The following IFT74 variants were observed in gnomAD, a reference collection of about 807,000 sequenced individuals.
The protein encoded by IFT74 is intraflagellar transport 74, also known as intraflagellar transport protein 74 homolog.
A neutral mutation model predicts 96.7 loss-of-function variants in IFT74; 92 were observed. That is an observed-to-expected ratio of 0.95 (90% CI 0.80 to 1.13). The LOEUF (loss-of-function observed/expected upper bound fraction) is 1.13. IFT74 is among the 50% of genes most tolerant of loss of function. IFT74 has a pLI of 0.00. For synonymous variants in IFT74, 223 were observed against 213.2 expected, an observed-to-expected ratio of 1.05 and a Z score of -0.40; for missense variants, 811 against 698.2, an observed-to-expected ratio of 1.16 and a Z score of -1.82.
At chr9:27,023,947 C>G (rs1829732177) in intron 12 of IFT74, among the ~76,000 whole-genome samples, 2 of 152,186 alleles carry the variant, frequency 1.3e-5, no homozygotes, top group Admixed American at 1.3e-4. Flanking sequence ...CACCAATCAC[C>G]TGAGAAACCC....
intron 6 of IFT74, among the ~76,000 whole-genome samples, chr9:26,987,995 C>G (rs937495211): frequency 2.6e-5 from 4 of 151,814 alleles, no homozygotes; most frequent in African/African-American, 9.7e-5. Context: ...TTTTGTTGCC[C>G]AGGCTGGAGT....
chr9:26,968,066 C>CT (rs34008230), intron 2 of IFT74, among the ~76,000 whole-genome samples: 155 of 118,436 alleles, frequency 1.3e-3, no homozygotes, highest in East Asian at 3.6e-3. Context: ...TATGTCTTGT[C>CT]TTTTTTTTTT....
At chr9:26,989,315 A>G (rs1254267567) in intron 7 of IFT74, among the ~76,000 whole-genome samples, 2 of 152,138 alleles carry the variant, frequency 1.3e-5, no homozygotes, top group Non-Finnish European at 2.9e-5. Context: ...TTACCGTTAT[A>G]CAATATATCC....
chr9:26,985,145 C>G (rs1827580951), intron 6 of IFT74, among the ~76,000 whole-genome samples: 1 of 152,130 alleles, frequency 6.6e-6, no homozygotes, highest in South Asian at 2.1e-4. Context: ...AAGATCATGT[C>G]CCTTGCAGGA....
intron 12 of IFT74, among the ~76,000 whole-genome samples, chr9:27,021,757 A>T (rs964593158): frequency 6.6e-6 from 1 of 152,016 alleles, no homozygotes; most frequent in South Asian, 2.1e-4. Context: ...ACAGTTTAGG[A>T]AAGTTTTCTC....
chr9:27,037,421 G>A (rs1452085993), intron 13 of IFT74, among the ~76,000 whole-genome samples: 1 of 152,164 alleles, frequency 6.6e-6, no homozygotes, highest in African/African-American at 2.4e-5. Context: ...AGCTAGCTGT[G>A]GAAAGTAGTA....
chr9:26,999,767 ATTCTTT>A, intron 8 of IFT74: 2 of 457,786 alleles, frequency 4.4e-6, no homozygotes, highest in Non-Finnish European at 6.7e-6. Flanking sequence ...GAATCTGTTT[ATTCTTT>A]TTTTTTTTTT....
At position 27,060,617 on chromosome 9, in the gene IFT74, A is replaced by G. The variant is rs538399644; in HGVS notation, c.1650A>G (p.Gln550=). Residue 550 remains glutamine (Q), a synonymous_variant, in exon 19 of 20, where the codon CAA becomes CAG. Transcript: ENST00000380062. ...TTACAAATTTGGAGAGAAAGTGGCA[A>G]CACCTTGAGCAAAATAATTTTGCGA... ...SQLTNLERKW[Q]HLEQNNFAMK... is the part of the protein sequence containing the mutation. The G allele has an allele frequency of 2.1e-5, 33 of 1,597,424 alleles. No homozygotes were observed. In the East Asian group the frequency reaches 4.5e-4, roughly 22 times the overall value.
At chr9:27,047,547 A>T (rs935500600) in intron 15 of IFT74, among the ~76,000 whole-genome samples, 176 bp downstream of exon 15, 1 of 152,226 alleles carries the variant, frequency 6.6e-6, no homozygotes, top group Non-Finnish European at 1.5e-5. Context: ...CACTCTAGCA[A>T]AATGTCAGGT....
At chr9:27,036,012 A>G (rs545891805) in intron 13 of IFT74, among the ~76,000 whole-genome samples, 1 of 152,374 alleles carries the variant, frequency 6.6e-6, no homozygotes, top group South Asian at 2.1e-4. Flanking sequence ...CAATAACATA[A>G]ACAGTTAACA....
intron 8 of IFT74, among the ~76,000 whole-genome samples, chr9:27,002,754 G>A (rs775034751): frequency 1.3e-5 from 2 of 152,052 alleles, no homozygotes; most frequent in African/African-American, 2.4e-5. Flanking sequence ...TTTTGCTGAG[G>A]GTTGTTTTAG....
Position 26,964,178 on chromosome 9 carries a change from A to G in IFT74, c.120+2091A>G, listed in dbSNP as rs28859655. Among the ~76,000 whole-genome samples, 829 of 135,862 alleles carry G rather than the reference A, an allele frequency of 6.1e-3. 3 individuals are homozygous for G. Among genetic ancestry groups the G allele is most frequent in the African/African-American group, 0.022 (779 of 35,974 alleles). The allele number at this position is 135,862 out of a possible 152,430, so 89.1% of individuals were successfully genotyped here. ...AAGGGATCCAGTTTCAGCTTTCTAC[A>G]TATGGCTAGCCAGTTTTCCCAGCAC... On this transcript the variant is annotated intron_variant, in intron 2 of 19. Transcript: ENST00000380062.
Position 27,009,113 on chromosome 9 carries a change from A to G in IFT74, c.681A>G (p.Gln227=). Residue 227 remains glutamine, a synonymous_variant, in exon 9 of 20, where the codon CAA becomes CAG. Coordinates refer to ENST00000380062, the MANE Select transcript of IFT74 (RefSeq NM_025103.4). ...TCAAAAATATGTCTTTTGAAAACCA[A>G]GTCAAGTACCTAGAGATGAAAACCA... ...DIIKNMSFEN[Q]VKYLEMKTTN... 3 of 1,613,396 alleles carry G rather than the reference A, an allele frequency of 1.9e-6. No individual in the cohort carries two copies. The highest frequency in any genetic ancestry group is 2.7e-5 in the African/African-American group (2 of 75,046).
chr9:26,981,965 C>T (rs1022406616), intron 4 of IFT74, among the ~76,000 whole-genome samples: 1 of 151,552 alleles, frequency 6.6e-6, no homozygotes, highest in Non-Finnish European at 1.5e-5. Flanking sequence ...GGTGGGCTTT[C>T]ACCATATTGG....
At chr9:27,013,448 G>C (rs184209770) in intron 10 of IFT74, among the ~76,000 whole-genome samples, 1 of 152,288 alleles carries the variant, frequency 6.6e-6, no homozygotes, top group South Asian at 2.1e-4. Flanking sequence ...TGGGTCAAAA[G>C]GTATACAGTT....
intron 8 of IFT74, among the ~76,000 whole-genome samples, chr9:27,007,115 G>C (rs1329074714): frequency 6.6e-6 from 1 of 152,044 alleles, no homozygotes; most frequent in African/African-American, 2.4e-5. Flanking sequence ...GGGATTACAG[G>C]CATGAGCCAC....
At chr9:27,037,441 G>A (rs1461936410) in intron 13 of IFT74, among the ~76,000 whole-genome samples, 2 of 152,196 alleles carry the variant, frequency 1.3e-5, no homozygotes, top group Non-Finnish European at 2.9e-5. Flanking sequence ...ACAGCCACAC[G>A]AACTTAAAGA....
chr9:26,988,779 A>C, intron 7 of IFT74, 51 bp downstream of exon 7: 1 of 1,399,918 alleles, frequency 7.1e-7, no homozygotes, highest in Non-Finnish European at 9.7e-7. Context: ...TATCCTACAA[A>C]ACAAAGCATT....
intron 13 of IFT74, among the ~76,000 whole-genome samples, chr9:27,041,213 C>A (rs933244701): frequency 1.3e-5 from 2 of 152,102 alleles, no homozygotes; most frequent in African/African-American, 4.8e-5. Flanking sequence ...TTTCTTTAAT[C>A]CCCATGTTAC....
Sources: allele counts gnomAD v4.1 joint callset (sites outside exome capture counted in the v4.1 genomes callset), GRCh38; gene constraint gnomAD v4.1.1; transcripts MANE v1.5; gene names NCBI Gene and HGNC (gene_info 2026-07-23, HGNC 2026-07-21).